Variants in MEMO1 observed in about 807,000 individuals in gnomAD.
MEMO1 encodes the protein protein MEMO1.
MEMO1 carries 6 observed loss-of-function variants against 45.2 expected under a neutral mutation model. The ratio of observed to expected loss-of-function variants is 0.13; its 90% CI spans 0.07 to 0.26. The LOEUF (loss-of-function observed/expected upper bound fraction) is 0.26, where lower values mean the gene tolerates loss of function less well. Ranked by LOEUF, MEMO1 falls within the 10% of genes least tolerant of loss-of-function variation. The pLI, the probability that MEMO1 is intolerant of heterozygous loss-of-function variation, is 1.00. For missense variants in MEMO1, 184 were observed against 370.5 expected (o/e 0.50, Z 4.13); for synonymous variants, 78 against 124.3 (o/e 0.63, Z 2.48).
At position 31,924,053 on chromosome 2, in the gene MEMO1, T is replaced by C. The variant is rs77305165; in HGVS notation, c.213-3143A>G. ...ACCAATAGCCAAATCAAGTTCCATA[T>C]TTGATTAAAAGAAATAATAAGAAAA... On this transcript the variant is annotated intron_variant, in intron 4 of 9. Transcript: ENST00000404530. Among the ~76,000 whole-genome samples the C allele has an allele frequency of 8.3e-4, 127 of 152,188 alleles. 1 individual carries two copies. The East Asian group carries it at 0.021, about 25-fold the overall frequency.
At chr2:31,969,586 G>GGGGT (rs1553376151) in intron 2 of MEMO1, among the ~76,000 whole-genome samples, 15 of 119,264 alleles carry the variant, frequency 1.3e-4, no homozygotes, top group East Asian at 7.3e-4. Context: ...TGTGTGTGTG[G>GGGGT]GTGTGTGTGT....
At position 31,930,802 on chromosome 2, in the gene MEMO1, C is replaced by T. The variant is rs1227453788; in HGVS notation, c.212+1265G>A. 2.8e-5 allele frequency among the ~76,000 whole-genome samples: 4 copies of T among 144,752 alleles called. No homozygotes were observed. In the South Asian group the frequency reaches 8.8e-4, roughly 32 times the overall value. 95.0% of individuals were successfully genotyped at this position (144,752 alleles called of 152,430 possible). A position where few individuals can be genotyped will look rare whatever the true frequency, so the allele number is the denominator to read the frequency against. On this transcript the variant is annotated intron_variant, in intron 4 of 9. Transcript: ENST00000404530. ...CTGAGACTACAGGCGTGTGCCACCACGCCTGGCAATTTTTTTTTTTTTTTT... is the reference window on the plus strand; with the variant it reads ...CTGAGACTACAGGCGTGTGCCACCATGCCTGGCAATTTTTTTTTTTTTTTT...
At chr2:31,946,813 G>A (rs1666250304) in intron 2 of MEMO1, among the ~76,000 whole-genome samples, 3 of 152,054 alleles carry the variant, frequency 2.0e-5, no homozygotes, top group South Asian at 2.1e-4. Context: ...CAGAGATCAC[G>A]CCCCTGAAGA....
chr2:31,911,280 A>G (rs944680536), intron 6 of MEMO1, among the ~76,000 whole-genome samples: 1 of 152,218 alleles, frequency 6.6e-6, no homozygotes, highest in African/African-American at 2.4e-5. Context: ...GAAAGGCTAT[A>G]TACTGCATGA....
At chr2:31,968,860 CTCTT>C (rs1668941648) in intron 2 of MEMO1, among the ~76,000 whole-genome samples, 1 of 151,242 alleles carries the variant, frequency 6.6e-6, no homozygotes, top group Admixed American at 6.6e-5. Context: ...CCATTTTTAA[CTCTT>C]TCTTCTCATA....
chr2:31,915,825 A>AT, intron 6 of MEMO1, among the ~76,000 whole-genome samples: 1 of 152,302 alleles, frequency 6.6e-6, no homozygotes, highest in South Asian at 2.1e-4. Flanking sequence ...ATTTTAGGCA[A>AT]TAAACAGCTG....
intron 3 of MEMO1, among the ~76,000 whole-genome samples, chr2:31,933,317 TAAAAAAAAAAAAA>T (rs34487390): frequency 6.4e-3 from 155 of 24,108 alleles, no homozygotes; most frequent in African/African-American, 0.022. Context: ...ACCACCTCTT[TAAAAAAAAAAAAA>T]AAAAAAAAAA....
chr2:31,949,133 A>G (rs1336802480), intron 2 of MEMO1, among the ~76,000 whole-genome samples: 1 of 152,196 alleles, frequency 6.6e-6, no homozygotes, highest in Non-Finnish European at 1.5e-5. Flanking sequence ...AAGAGATGGA[A>G]AAAAGGGAGC....
chr2:31,979,461 T>G (rs1670391866), intron 2 of MEMO1, among the ~76,000 whole-genome samples: 1 of 152,182 alleles, frequency 6.6e-6, no homozygotes, highest in Non-Finnish European at 1.5e-5. Context: ...TTACATGAGG[T>G]TTCACACTTA....
chr2:31,984,580 C>A (rs921498452), intron 2 of MEMO1, among the ~76,000 whole-genome samples: 7 of 152,076 alleles, frequency 4.6e-5, no homozygotes, highest in African/African-American at 1.7e-4. Flanking sequence ...GAGGCCAAGG[C>A]GGGCGATAAC....
At chr2:31,877,750 T>C (rs923753158) in intron 8 of MEMO1, among the ~76,000 whole-genome samples, 1 of 152,146 alleles carries the variant, frequency 6.6e-6, no homozygotes, top group Non-Finnish European at 1.5e-5. Context: ...ATTTAAATAC[T>C]TCATTGTACC....
intron 8 of MEMO1, among the ~76,000 whole-genome samples, chr2:31,877,045 T>A (rs966065391): frequency 3.3e-5 from 5 of 152,220 alleles, no homozygotes; most frequent in Non-Finnish European, 5.9e-5. Context: ...CTATGTAAGA[T>A]CCTTCAAGAT....
chr2:32,003,514 T>C (rs777618011), intron 2 of MEMO1, among the ~76,000 whole-genome samples: 2 of 152,242 alleles, frequency 1.3e-5, no homozygotes, highest in Admixed American at 6.5e-5. Context: ...TTGATTTGTA[T>C]ACTTTTTCAA....
chr2:31,967,085 A>C (rs1668712697), intron 2 of MEMO1, among the ~76,000 whole-genome samples: 1 of 151,940 alleles, frequency 6.6e-6, no homozygotes, highest in East Asian at 1.9e-4. Context: ...AGAAATATTA[A>C]TAGGTCCCAA....
chr2:31,995,484 T>C (rs953092492), intron 2 of MEMO1, among the ~76,000 whole-genome samples: 3 of 152,026 alleles, frequency 2.0e-5, no homozygotes, highest in Middle Eastern at 3.4e-3. Context: ...TCAAATGGAA[T>C]ATAGAGATGA....
intron 3 of MEMO1, among the ~76,000 whole-genome samples, chr2:31,933,341 A>AT (rs1558514126): frequency 5.3e-4 from 34 of 64,034 alleles, no homozygotes; most frequent in African/African-American, 2.4e-3. Flanking sequence ...AAAAAAAAAA[A>AT]AAAAAAAATT....
At chr2:31,914,624 C>A (rs972656669) in intron 6 of MEMO1, among the ~76,000 whole-genome samples, 3 of 151,996 alleles carry the variant, frequency 2.0e-5, no homozygotes, top group Non-Finnish European at 2.9e-5. Context: ...CATGCACCCA[C>A]AAAAATTAAA....
At chr2:31,947,496 G>A (rs530884347) in intron 2 of MEMO1, among the ~76,000 whole-genome samples, 2 of 152,282 alleles carry the variant, frequency 1.3e-5, no homozygotes, top group South Asian at 2.1e-4. Flanking sequence ...TTAGAAATAC[G>A]TGCTTTGATT....
chr2:31,968,961 G>A (rs1668952653), intron 2 of MEMO1, among the ~76,000 whole-genome samples: 1 of 151,886 alleles, frequency 6.6e-6, no homozygotes, highest in Non-Finnish European at 1.5e-5. Flanking sequence ...TTAAAAAAAT[G>A]GTTGATAAAC....
Sources: allele counts gnomAD v4.1 joint callset (sites outside exome capture counted in the v4.1 genomes callset), GRCh38; gene constraint gnomAD v4.1.1; transcripts MANE v1.5; gene names NCBI Gene and HGNC (gene_info 2026-07-23, HGNC 2026-07-21).